Variants in MCTP1 observed in about 807,000 individuals in gnomAD.
The protein encoded by MCTP1 is multiple C2 and transmembrane domain containing 1, also known as multiple C2 and transmembrane domain-containing protein 1.
A neutral mutation model predicts 120.6 loss-of-function variants in MCTP1; 69 were observed. The ratio of observed to expected loss-of-function variants is 0.57; its 90% CI spans 0.47 to 0.70. The LOEUF (loss-of-function observed/expected upper bound fraction) is 0.70, where lower values mean the gene tolerates loss of function less well. Among genes scored for constraint, MCTP1 ranks in the 30% least tolerant of loss-of-function variants. MCTP1 has a pLI of 0.00. For synonymous variants in MCTP1, 529 were observed against 493.1 expected (o/e 1.07, Z -0.96); for missense variants, 1,203 against 1,248.8 (o/e 0.96, Z 0.55).
intron 10 of MCTP1, among the ~76,000 whole-genome samples, chr5:94,908,690 C>G (rs981043064): frequency 7.6e-5 from 11 of 144,498 alleles, no homozygotes; most frequent in African/African-American, 3.0e-4. Flanking sequence ...CTCAAAATAA[C>G]CTTAACTTTG....
At chr5:95,204,464 A>C (rs1751407077) in intron 1 of MCTP1, among the ~76,000 whole-genome samples, 1 of 152,202 alleles carries the variant, frequency 6.6e-6, no homozygotes, top group South Asian at 2.1e-4. Context: ...TAAGATCAGG[A>C]ACAAGCAAGG....
intron 12 of MCTP1, among the ~76,000 whole-genome samples, chr5:94,883,391 T>A (rs1202285222): frequency 6.6e-6 from 1 of 152,182 alleles, no homozygotes; most frequent in Admixed American, 6.5e-5. Context: ...GAATAAAGCA[T>A]ACTTTCCTTG....
rs1754527906 is a variant in MCTP1, at chr5:94,706,162, T to C, written c.*1334A>G. The stretch of plus-strand genomic sequence containing the variant: ...TTACCCCATCCAAGTTTATTATTAA[T>C]AAAGTAGTGCAAAGCATTGTCTGCT... On this transcript the variant is annotated 3_prime_UTR_variant, in exon 23 of 23. Coordinates refer to ENST00000515393, the MANE Select transcript of MCTP1 (RefSeq NM_024717.7). 6.6e-6 allele frequency: 1 copy of C among 151,668 alleles called. No individual in the cohort carries two copies. Among genetic ancestry groups the C allele is most frequent in the Non-Finnish European group, 1.5e-5 (1 of 67,720 alleles). 9.4% of individuals were successfully genotyped at this position (151,668 alleles called of 1,614,324 possible).
intron 18 of MCTP1, among the ~76,000 whole-genome samples, chr5:94,787,735 G>C (rs943150785): frequency 6.6e-6 from 1 of 151,858 alleles, no homozygotes; most frequent in Non-Finnish European, 1.5e-5. Context: ...TCCTGCCTCA[G>C]CCTTCCGAGT....
intron 1 of MCTP1, among the ~76,000 whole-genome samples, chr5:95,182,341 T>TA (rs1323531781): frequency 2.0e-5 from 3 of 152,154 alleles, no homozygotes; most frequent in African/African-American, 7.2e-5. Context: ...TTTGATAAGA[T>TA]ATTGAGAAGA....
chr5:94,754,977 C>A (rs2152820202), intron 19 of MCTP1, among the ~76,000 whole-genome samples: 1 of 152,294 alleles, frequency 6.6e-6, no homozygotes. Context: ...AAGCTGTGGA[C>A]TGCCCGTTTT....
intron 17 of MCTP1, among the ~76,000 whole-genome samples, chr5:94,841,095 G>C (rs1790922356): frequency 6.6e-6 from 1 of 152,174 alleles, no homozygotes; most frequent in Non-Finnish European, 1.5e-5. Flanking sequence ...TGGCTGCTTG[G>C]CATGTGACCG....
chr5:94,937,202 T>A (rs980732815), intron 5 of MCTP1, among the ~76,000 whole-genome samples: 5 of 152,068 alleles, frequency 3.3e-5, no homozygotes, highest in African/African-American at 1.2e-4. Context: ...TATTTCCCTC[T>A]TAATGCAGCA....
At chr5:94,719,700 C>A (rs1469524228) in intron 19 of MCTP1, among the ~76,000 whole-genome samples, 1 of 152,120 alleles carries the variant, frequency 6.6e-6, no homozygotes, top group African/African-American at 2.4e-5. Context: ...GGGAGGGCAT[C>A]AGGATAAATA....
At chr5:94,866,459 C>G (rs1005511678) in intron 17 of MCTP1, among the ~76,000 whole-genome samples, 1 of 151,626 alleles carries the variant, frequency 6.6e-6, no homozygotes, top group Non-Finnish European at 1.5e-5. Context: ...AGTACTCTTA[C>G]TCTGTTTTCA....
chr5:95,072,800 C>T (rs1207682453), intron 1 of MCTP1, among the ~76,000 whole-genome samples: 2 of 124,720 alleles, frequency 1.6e-5, no homozygotes, highest in Admixed American at 1.1e-4. Context: ...GGCTGGAGTG[C>T]AATGGCGAGA....
chr5:95,234,119 G>A (rs1755274818), intron 1 of MCTP1, among the ~76,000 whole-genome samples: 1 of 152,078 alleles, frequency 6.6e-6, no homozygotes, highest in Non-Finnish European at 1.5e-5. Context: ...AGGGTTTTCT[G>A]AGCAAATACA....
chr5:95,012,663 A>G (rs1836251123), intron 2 of MCTP1, among the ~76,000 whole-genome samples: 1 of 152,102 alleles, frequency 6.6e-6, no homozygotes, highest in Non-Finnish European at 1.5e-5. Context: ...TGACATTACT[A>G]TTGTAATTGT....
At chr5:94,909,813 T>C (rs905430928) in intron 9 of MCTP1, among the ~76,000 whole-genome samples, 3 of 152,064 alleles carry the variant, frequency 2.0e-5, no homozygotes, top group African/African-American at 7.2e-5. Flanking sequence ...TTACTTGCCA[T>C]ACACATTGGA....
At chr5:95,237,042 C>T (rs531371697) in intron 1 of MCTP1, among the ~76,000 whole-genome samples, 2 of 152,254 alleles carry the variant, frequency 1.3e-5, no homozygotes, top group Admixed American at 1.3e-4. Flanking sequence ...TTCACATTCC[C>T]AGAAAGTTCC....
At chr5:95,036,842 T>A (rs2151838406) in intron 1 of MCTP1, among the ~76,000 whole-genome samples, 1 of 152,232 alleles carries the variant, frequency 6.6e-6, no homozygotes, top group Admixed American at 6.5e-5. Context: ...ATCTTAGAAA[T>A]CAATTTCCAA....
In MCTP1 at chr5:95,074,234, T is replaced by C. The variant is rs531461262; in HGVS notation, c.721-56750A>G. Among the ~76,000 whole-genome samples the C allele has an allele frequency of 4.6e-5, 7 of 152,394 alleles. No homozygotes were observed. In the South Asian group the frequency reaches 1.4e-3, roughly 32 times the overall value. ...GAGCAAGATTCCCTGGTGAATCTGCTATACCATGCAGTTGAAGAGTCACTA... is the reference window on the plus strand; with the variant it reads ...GAGCAAGATTCCCTGGTGAATCTGCCATACCATGCAGTTGAAGAGTCACTA... On this transcript the variant is annotated intron_variant, in intron 1 of 22. Coordinates refer to ENST00000515393, the MANE Select transcript of MCTP1 (RefSeq NM_024717.7).
chr5:94,780,882 A>C (rs1186998699), intron 18 of MCTP1, among the ~76,000 whole-genome samples: 1 of 152,162 alleles, frequency 6.6e-6, no homozygotes, highest in African/African-American at 2.4e-5. Flanking sequence ...TTTCATGTTA[A>C]CCTTTCATTT....
intron 1 of MCTP1, among the ~76,000 whole-genome samples, chr5:95,113,670 G>T (rs889397581): frequency 6.6e-6 from 1 of 152,154 alleles, no homozygotes; most frequent in African/African-American, 2.4e-5. Context: ...GCAGGCTAAA[G>T]TACTCTGGGA....
Sources: allele counts gnomAD v4.1 joint callset (sites outside exome capture counted in the v4.1 genomes callset), GRCh38; gene constraint gnomAD v4.1.1; transcripts MANE v1.5; gene names NCBI Gene and HGNC (gene_info 2026-07-23, HGNC 2026-07-21).